The following ABCB5 variants were observed in gnomAD, a reference collection of about 807,000 sequenced individuals.
The protein encoded by ABCB5 is ATP binding cassette subfamily B member 5.
In ABCB5, 155 loss-of-function variants were observed where a neutral mutation model predicts 144.2. The ratio of observed to expected loss-of-function variants is 1.08; its 90% CI spans 0.94 to 1.23. ABCB5 has a LOEUF of 1.23. Ranked by LOEUF, ABCB5 falls within the 50% of genes most tolerant of loss-of-function variation. ABCB5 has a pLI of 0.00. For missense variants in ABCB5, 1,830 were observed against 1,520.8 expected (o/e 1.20, Z -3.38); for synonymous variants, 610 against 528.6 (o/e 1.15, Z -2.11).
intron 9 of ABCB5, 105 bp from the exon 10 acceptor site, chr7:20,647,430 C>T (rs984988746): frequency 1.6e-5 from 23 of 1,397,706 alleles, no homozygotes; most frequent in Middle Eastern, 5.2e-4. Context: ...TACCTAATTC[C>T]TCTAATATCT....
At chr7:20,655,602 T>G (rs931444663) in intron 13 of ABCB5, among the ~76,000 whole-genome samples, 2 of 152,026 alleles carry the variant, frequency 1.3e-5, no homozygotes, top group African/African-American at 4.8e-5. Context: ...ATAAATTTAA[T>G]GAAAGACGTG....
chr7:20,687,929 C>T (rs140225175), intron 16 of ABCB5, among the ~76,000 whole-genome samples: 21 of 152,124 alleles, frequency 1.4e-4, no homozygotes, highest in Non-Finnish European at 2.1e-4. Flanking sequence ...GAGTGGTTCA[C>T]GCCTATAATC....
At chr7:20,700,162 AT>A in intron 19 of ABCB5, 27 bp downstream of exon 19, 1 of 1,439,356 alleles carries the variant, frequency 6.9e-7, no homozygotes, top group Non-Finnish European at 9.5e-7. Flanking sequence ...TTTTTTTTTT[AT>A]TTTATTTAAA....
intron 14 of ABCB5, among the ~76,000 whole-genome samples, chr7:20,679,114 T>A (rs1785703315): frequency 1.3e-5 from 2 of 151,848 alleles, no homozygotes; most frequent in African/African-American, 4.8e-5. Flanking sequence ...AGAAAAAAAA[T>A]TGATAAATTG....
At chr7:20,622,484 CT>C (rs1783822368) in intron 1 of ABCB5, among the ~76,000 whole-genome samples, 1 of 152,052 alleles carries the variant, frequency 6.6e-6, no homozygotes, top group African/African-American at 2.4e-5. Flanking sequence ...AGCTTATTAG[CT>C]TTTTCAGATG....
chr7:20,660,903 C>G (rs1320291625), intron 14 of ABCB5, among the ~76,000 whole-genome samples: 2 of 152,154 alleles, frequency 1.3e-5, no homozygotes, highest in Non-Finnish European at 2.9e-5. Context: ...TCCACTTATA[C>G]AAAGTTCTAG....
intron 23 of ABCB5, 38 bp from the exon 24 acceptor site, chr7:20,738,945 C>T (rs148015399): frequency 4.0e-5 from 62 of 1,533,144 alleles, no homozygotes; most frequent in Non-Finnish European, 5.1e-5. Flanking sequence ...TACAAAGGAT[C>T]GATGGACCTA....
At chr7:20,616,311 C>A (rs935726655) in intron 1 of ABCB5, among the ~76,000 whole-genome samples, 1 of 152,218 alleles carries the variant, frequency 6.6e-6, no homozygotes. Context: ...GCTGGGATTA[C>A]AGGCATGAGC....
At chr7:20,668,596 G>GT (rs1365767199) in intron 14 of ABCB5, among the ~76,000 whole-genome samples, 2 of 143,412 alleles carry the variant, frequency 1.4e-5, no homozygotes, top group South Asian at 4.4e-4. Context: ...GAGGTGGGGG[G>GT]GGGGGTCAGC....
Position 20,624,088 on chromosome 7 carries a change from A to AT in ABCB5, c.53+751dup, listed in dbSNP as rs555624908. On this transcript the variant is annotated intron_variant, in intron 2 of 27. Transcript: ENST00000404938. Reference sequence around the variant, plus strand: ...TTTTGTTGTTATTTTCCCAAAGTAAATGTTCTCCTTTCTAAGCACCTTTTC... The same window carrying AT: ...TTTTGTTGTTATTTTCCCAAAGTAAATTGTTCTCCTTTCTAAGCACCTTTTC... Among the ~76,000 whole-genome samples, 214 of 152,292 alleles carry AT rather than the reference A, an allele frequency of 1.4e-3. 1 individual carries two copies. Among genetic ancestry groups the AT allele is most frequent in the Admixed American group, 3.5e-3 (54 of 15,302 alleles).
In ABCB5 at chr7:20,685,722, G is replaced by A. The variant is rs761319313; in HGVS notation, c.1896G>A (p.Met632Ile). ...ATATTAAAAAAGCTGATGAACAGAT[G>A]GAGTCAATGACATATTCTACTGAAA... ...SQDIKKADEQ[M>I]ESMTYSTERK... The change falls in exon 16 of 28, where the codon ATG (methionine) becomes ATA (isoleucine). Residue 632 changes from methionine to isoleucine, a missense_variant. Met to Ile is a conservative substitution (Grantham distance 10). Coordinates refer to ENST00000404938, the MANE Select transcript of ABCB5 (RefSeq NM_001163941.2). 4 of 1,610,964 alleles carry A rather than the reference G, an allele frequency of 2.5e-6. No individual in the cohort carries two copies. In the African/African-American group the frequency reaches 5.4e-5, roughly 22 times the overall value.
chr7:20,650,549 A>G (rs548575634), intron 12 of ABCB5, among the ~76,000 whole-genome samples: 1 of 150,592 alleles, frequency 6.6e-6, no homozygotes, highest in East Asian at 1.9e-4. Flanking sequence ...GATGTAGAAA[A>G]CATCTCCACT....
At chr7:20,661,534 C>CTCCTTTTTT (rs1406657803) in intron 14 of ABCB5, among the ~76,000 whole-genome samples, 2 of 132,388 alleles carry the variant, frequency 1.5e-5, no homozygotes, top group African/African-American at 6.4e-5. Flanking sequence ...TCTTTCTTTT[C>CTCCTTTTTT]TTTTTCTTTT....
Position 20,681,653 on chromosome 7 carries a change from T to C in ABCB5, c.1856T>C (p.Leu619Pro). The C allele has an allele frequency of 1.2e-6, 2 of 1,613,926 alleles. No individual in the cohort carries two copies. Among genetic ancestry groups the C allele is most frequent in the East Asian group, 2.2e-5 (1 of 44,874 alleles). ...GCAAAACGAGGTCTATATTATTCACTTGTGATGTCACAGGTAATGCTTATG... is the reference window on the plus strand; with the variant it reads ...GCAAAACGAGGTCTATATTATTCACCTGTGATGTCACAGGTAATGCTTATG... The part of the protein sequence containing the change: ...LMAKRGLYYS[L>P]VMSQDIKKAD... Residue 619 changes from leucine to proline, a missense_variant, in exon 15 of 28, where the codon CTT (leucine) becomes CCT (proline). Leu to Pro is a moderately conservative substitution (Grantham distance 98, BLOSUM62 -3). Coordinates refer to ENST00000404938, the MANE Select transcript of ABCB5 (RefSeq NM_001163941.2).
At chr7:20,654,094 AC>A (rs1784690358) in intron 13 of ABCB5, among the ~76,000 whole-genome samples, 1 of 151,730 alleles carries the variant, frequency 6.6e-6, no homozygotes, top group African/African-American at 2.4e-5. Context: ...CTACAAATTC[AC>A]CCCAAGGAAA....
intron 23 of ABCB5, 53 bp downstream of exon 23, chr7:20,728,508 C>G: frequency 1.9e-6 from 3 of 1,584,020 alleles, no homozygotes; most frequent in Non-Finnish European, 2.6e-6. Flanking sequence ...AATTCCAACA[C>G]TTTGAGAGGC....
intron 14 of ABCB5, among the ~76,000 whole-genome samples, chr7:20,668,280 C>T (rs1380782174): frequency 2.0e-5 from 3 of 148,966 alleles, no homozygotes; most frequent in Non-Finnish European, 3.0e-5. Context: ...AAGCGAGGAG[C>T]GCCTCTTCCC....
intron 7 of ABCB5, among the ~76,000 whole-genome samples, chr7:20,644,173 C>A (rs1184071691): frequency 6.6e-6 from 1 of 151,880 alleles, no homozygotes; most frequent in Non-Finnish European, 1.5e-5. Context: ...GCAGCCTCAA[C>A]TTCCCAGGCT....
rs191557241 is a variant in ABCB5 at position 20,663,741 on chromosome 7, A to G, written c.1707+5065A>G. ...TTTTTTTTTTTTTTTTTTGAGATGG[A>G]ATCTTGATCTGTCACCCAGGCTGGA... On this transcript the variant is annotated intron_variant, in intron 14 of 27. Coordinates refer to ENST00000404938, the MANE Select transcript of ABCB5 (RefSeq NM_001163941.2). 6.9e-3 allele frequency among the ~76,000 whole-genome samples: 930 copies of G among 134,518 alleles called. 5 individuals carry two copies. The highest frequency in any genetic ancestry group is 0.026 in the African/African-American group (891 of 34,726). 88.2% of individuals were successfully genotyped at this position (134,518 alleles called of 152,430 possible).
Sources: gnomAD v4.1 joint callset for allele counts (sites outside exome capture counted in the v4.1 genomes callset) on GRCh38, gnomAD v4.1.1 for gene constraint, MANE v1.5 for transcripts, NCBI Gene and HGNC (gene_info 2026-07-23, HGNC 2026-07-21) for gene names.